The following STRIP2 variants were observed in gnomAD, a reference collection of about 807,000 sequenced individuals.
The protein encoded by STRIP2 is striatin-interacting protein 2.
A neutral mutation model predicts 107.1 loss-of-function variants in STRIP2; 84 were observed. That is an observed-to-expected ratio of 0.78 (90% confidence interval 0.66 to 0.94). STRIP2 has a LOEUF of 0.94. Among genes scored for constraint, STRIP2 ranks in the 40% least tolerant of loss-of-function variants. STRIP2 has a pLI of 0.00. For missense variants in STRIP2, 888 were observed against 1,034.2 expected (o/e 0.86, Z 1.94); for synonymous variants, 394 against 400.4 (o/e 0.98, Z 0.19).
chr7:129,482,377 A>ATAT (rs1371071087), intron 19 of STRIP2, among the ~76,000 whole-genome samples: 2 of 69,030 alleles, frequency 2.9e-5, no homozygotes, highest in Non-Finnish European at 4.9e-5. Flanking sequence ...ATATATATAT[A>ATAT]TTTTTTTTTT....
At position 129,451,723 on chromosome 7, in the gene STRIP2, C is replaced by CGGGGG; in HGVS notation, c.388_389insGGGGG (p.Ala130GlyfsTer66). ...TAGGGAACGGCGGCTGAAGGTGGCC[C>CGGGGG]GGGCTGTTCTCTACCTGGCCCAAGG... On this transcript the variant is annotated frameshift_variant, in exon 4 of 21. Coordinates refer to ENST00000249344, the MANE Select transcript of STRIP2 (RefSeq NM_020704.3). LOFTEE classifies it high-confidence loss of function. 6.2e-7 allele frequency: 1 copy of CGGGGG among 1,613,820 alleles called. No individual in the cohort carries two copies. Among genetic ancestry groups the CGGGGG allele is most frequent in the South Asian group, 1.1e-5 (1 of 91,048 alleles).
rs183367511 is a variant in STRIP2, at chr7:129,436,531, A to C, written c.129+1930A>C. Among the ~76,000 whole-genome samples the C allele has an allele frequency of 2.6e-3, 395 of 152,274 alleles. 5 individuals are homozygous for C. The highest frequency in any genetic ancestry group is 3.5e-3 in the Non-Finnish European group (238 of 68,022). On this transcript the variant is annotated intron_variant, in intron 1 of 20. Transcript: ENST00000249344. Reference sequence around the variant, plus strand: ...ATGAACAACTGCTGCGATCATCTCTATCTGGGCTCATTGCCTGCCAAAAGC... The same window carrying C: ...ATGAACAACTGCTGCGATCATCTCTCTCTGGGCTCATTGCCTGCCAAAAGC...
chr7:129,482,060 G>A (rs181150762), intron 19 of STRIP2, among the ~76,000 whole-genome samples: 232 of 152,208 alleles, frequency 1.5e-3, no homozygotes, highest in African/African-American at 5.2e-3. Context: ...GCTGAGGCAG[G>A]AGAATCACTT....
At chr7:129,455,105 T>G in intron 7 of STRIP2, 139 bp from the exon 8 acceptor site, 1 of 1,079,418 alleles carries the variant, frequency 9.3e-7, no homozygotes, top group South Asian at 1.9e-5. Flanking sequence ...GGGCTAAGCC[T>G]CCTTCTCAGG....
chr7:129,476,799 G>A (rs1452738571), intron 18 of STRIP2, among the ~76,000 whole-genome samples: 1 of 152,020 alleles, frequency 6.6e-6, no homozygotes, highest in African/African-American at 2.4e-5. Context: ...CTGCAATCTC[G>A]GCACTTTGGG....
chr7:129,461,998 A>G lies in STRIP2; in HGVS notation c.1477-968A>G, dbSNP rs963924249. On this transcript the variant is annotated intron_variant, in intron 13 of 20. Transcript: ENST00000249344. The surrounding 1 kb of genome is among the most constrained non-coding windows in gnomAD (Gnocchi z 4.0). ...CACAGGCGGTTCATCCTTCATGTCAAGAAGGAAGGAAGAAGACTCTTGGTA... is the reference window on the plus strand; with the variant it reads ...CACAGGCGGTTCATCCTTCATGTCAGGAAGGAAGGAAGAAGACTCTTGGTA... Among the ~76,000 whole-genome samples the G allele has an allele frequency of 6.6e-6, 1 of 152,206 alleles. No individual in the cohort carries two copies. The highest frequency in any genetic ancestry group is 2.4e-5 in the African/African-American group (1 of 41,448).
At chr7:129,437,302 C>T (rs1797766662) in intron 1 of STRIP2, among the ~76,000 whole-genome samples, 2 of 151,970 alleles carry the variant, frequency 1.3e-5, no homozygotes, top group African/African-American at 4.8e-5. Flanking sequence ...AAAGATTTAG[C>T]CAGGCATGAT....
At chr7:129,457,157 G>T (rs1798386382) in intron 9 of STRIP2, among the ~76,000 whole-genome samples, 1 of 152,056 alleles carries the variant, frequency 6.6e-6, no homozygotes, top group South Asian at 2.1e-4. Context: ...TAAACGACAG[G>T]GATACAATCT....
chr7:129,482,377 ATT>A (rs869099836), intron 19 of STRIP2, among the ~76,000 whole-genome samples: 316 of 68,926 alleles, frequency 4.6e-3, no homozygotes, highest in African/African-American at 0.017. Context: ...ATATATATAT[ATT>A]TTTTTTTTTT....
Position 129,458,182 on chromosome 7 carries a change from C to CTG in STRIP2, c.1039-32_1039-31dup. On this transcript the variant is annotated intron_variant, in intron 9 of 20. Coordinates refer to ENST00000249344, the MANE Select transcript of STRIP2 (RefSeq NM_020704.3). This position sits in a 1 kb window ranked among gnomAD's most constrained non-coding sequence, Gnocchi z 4.6. ...GACAAGGATGCCCAGAGTGAGATCT[C>CTG]TGCATGCCTACCCTCCCTTCTTTCC... is the stretch of plus-strand genomic sequence containing the variant. 4 of 1,570,382 alleles carry CTG rather than the reference C, an allele frequency of 2.5e-6. No homozygotes were observed. Among genetic ancestry groups the CTG allele is most frequent in the Middle Eastern group, 1.7e-4 (1 of 6,000 alleles).
chr7:129,473,897 T>C (rs1798853318), intron 18 of STRIP2, among the ~76,000 whole-genome samples: 2 of 151,552 alleles, frequency 1.3e-5, no homozygotes, highest in African/African-American at 4.9e-5. Context: ...TTTTGTATTT[T>C]TAGTAGAGAC....
Position 129,462,905 on chromosome 7 carries a change from A to G in STRIP2, c.1477-61A>G. ...TTTCAGGTCACCCCTCACAACCAAG[A>G]AAAAAAAGCCTTTGGTCACCTGGAA... On this transcript the variant is annotated intron_variant, in intron 13 of 20. Coordinates refer to ENST00000249344, the MANE Select transcript of STRIP2 (RefSeq NM_020704.3). 2.8e-6 allele frequency: 4 copies of G among 1,428,776 alleles called. No homozygotes were observed. In the East Asian group the frequency reaches 6.9e-5, roughly 25 times the overall value. 88.5% of individuals were successfully genotyped at this position (1,428,776 alleles called of 1,614,324 possible).
chr7:129,473,560 C>T (rs965468300), intron 18 of STRIP2, among the ~76,000 whole-genome samples: 2 of 151,950 alleles, frequency 1.3e-5, no homozygotes, highest in South Asian at 2.1e-4. Flanking sequence ...TTTGTAGAGA[C>T]GGGGTCTTTG....
Position 129,480,891 on chromosome 7 carries a change from T to A in STRIP2, c.2049+2T>A. ...AAATGGAAACATTCCCGGACCATGG[T>A]GAGTGTGGTTTTTTACATCATGGAG... On this transcript the variant is annotated splice_donor_variant, in intron 19 of 20. Transcript: ENST00000249344. LOFTEE classifies it high-confidence loss of function. 6.2e-7 allele frequency: 1 copy of A among 1,607,572 alleles called. No individual in the cohort carries two copies. The highest frequency in any genetic ancestry group is 8.5e-7 in the Non-Finnish European group (1 of 1,177,778).
intron 2 of STRIP2, among the ~76,000 whole-genome samples, chr7:129,443,228 T>G (rs1395858683): frequency 6.6e-6 from 1 of 152,008 alleles, no homozygotes; most frequent in Non-Finnish European, 1.5e-5. Context: ...TTTGTAGAGA[T>G]AGGGTCATGC....
chr7:129,462,901 C>G, intron 13 of STRIP2, 65 bp from the exon 14 acceptor site: 1 of 1,381,896 alleles, frequency 7.2e-7, no homozygotes, highest in Non-Finnish European at 1.0e-6. Context: ...CCCTCACAAC[C>G]AAGAAAAAAA....
In STRIP2 at chr7:129,470,547, A is replaced by C. The variant is rs190581331; in HGVS notation, c.1878-102A>C. On this transcript the variant is annotated intron_variant, in intron 17 of 20. Transcript: ENST00000249344. ...GGTCACTAAGCAATTTGGGAAATGGATAGGGGCTGCTGGAGAGAAATAACT... is the reference window on the plus strand; with the variant it reads ...GGTCACTAAGCAATTTGGGAAATGGCTAGGGGCTGCTGGAGAGAAATAACT... The C allele has an allele frequency of 5.0e-5, 48 of 958,566 alleles. 1 individual carries two copies. The highest frequency in any genetic ancestry group is 6.2e-4 in the Middle Eastern group (2 of 3,250). The allele number at this position is 958,566 out of a possible 1,614,324, so 59.4% of individuals were successfully genotyped here. A position where few individuals can be genotyped will look rare whatever the true frequency, so the allele number is the denominator to read the frequency against.
rs1043850079 is a variant in STRIP2, at chr7:129,458,100, G to A, written c.1039-115G>A. The A allele has an allele frequency of 6.1e-6, 5 of 816,770 alleles. No homozygotes were observed. Among genetic ancestry groups the A allele is most frequent in the Non-Finnish European group, 1.0e-5 (5 of 476,916 alleles). 50.6% of individuals were successfully genotyped at this position (816,770 alleles called of 1,614,324 possible). A position where few individuals can be genotyped will look rare whatever the true frequency, so the allele number is the denominator to read the frequency against. Reference sequence around the variant, plus strand: ...GGAATTGGATGTTTTCGCAAGGGCTGTGTTCAGATTCCATGTTCCCTGAAA... The same window carrying A: ...GGAATTGGATGTTTTCGCAAGGGCTATGTTCAGATTCCATGTTCCCTGAAA... On this transcript the variant is annotated intron_variant, in intron 9 of 20. Transcript: ENST00000249344. The surrounding 1 kb of genome is among the most constrained non-coding windows in gnomAD (Gnocchi z 4.6).
chr7:129,455,211 C>G (rs755768842), intron 7 of STRIP2, 33 bp from the exon 8 acceptor site: 1 of 1,589,090 alleles, frequency 6.3e-7, no homozygotes. Flanking sequence ...GCCTCATCCT[C>G]ACTTTCTCAC....
Sources: allele counts gnomAD v4.1 joint callset (sites outside exome capture counted in the v4.1 genomes callset), GRCh38; gene constraint gnomAD v4.1.1; non-coding constraint Gnocchi (gnomAD v3.1); transcripts MANE v1.5; gene names NCBI Gene and HGNC (gene_info 2026-07-23, HGNC 2026-07-21).